The following IGSF10 variants were observed in gnomAD, a reference collection of about 807,000 sequenced individuals.
IGSF10 encodes calvaria mechanical force protein 608.
A neutral mutation model predicts 128.2 loss-of-function variants in IGSF10; 126 were observed. The ratio of observed to expected loss-of-function variants is 0.98; its 90% CI spans 0.85 to 1.14. The LOEUF is 1.14. Ranked by LOEUF, IGSF10 falls within the 50% of genes most tolerant of loss-of-function variation. IGSF10 has a pLI of 0.00. For synonymous variants in IGSF10, 1,185 were observed against 1,146.2 expected, an observed-to-expected ratio of 1.03 and a Z score of -0.68; for missense variants, 3,295 against 3,149.8, an observed-to-expected ratio of 1.05 and a Z score of -1.10.
At chr3:151,538,885 T>C in the IGSF10 span, among the ~76,000 whole-genome samples, 1 of 152,312 alleles carries the variant, frequency 6.6e-6, no homozygotes, top group South Asian at 2.1e-4. Context: ...GAAAAGGTTT[T>C]AGAACAAAAC....
chr3:151,512,856 A>G, the IGSF10 span, among the ~76,000 whole-genome samples: 5 of 152,220 alleles, frequency 3.3e-5, no homozygotes, highest in Non-Finnish European at 7.3e-5. Context: ...ATAAACTACA[A>G]AATCTAGAAG....
At chr3:151,470,460 TC>T in the IGSF10 span, among the ~76,000 whole-genome samples, 316 of 152,306 alleles carry the variant, frequency 2.1e-3, 2 homozygotes, top group African/African-American at 7.4e-3. Flanking sequence ...TCCAATTTTT[TC>T]CTTAATAGCT....
chr3:151,581,895 A>G, the IGSF10 span, among the ~76,000 whole-genome samples: 1 of 152,032 alleles, frequency 6.6e-6, no homozygotes, highest in Admixed American at 6.6e-5. Context: ...ATATGGTGAA[A>G]GTCTGTCTCC....
At chr3:151,589,724 C>T in the IGSF10 span, among the ~76,000 whole-genome samples, 1 of 152,270 alleles carries the variant, frequency 6.6e-6, no homozygotes, top group African/African-American at 2.4e-5. Flanking sequence ...CTGCCTAAGC[C>T]ATTGCCAAAA....
In IGSF10 at chr3:151,446,143, G is replaced by T. The variant is rs372965885; in HGVS notation, c.3838C>A (p.Pro1280Thr). The T allele has an allele frequency of 1.2e-6, 2 of 1,614,198 alleles. No homozygotes were observed. Among genetic ancestry groups the T allele is most frequent in the Non-Finnish European group, 1.7e-6 (2 of 1,180,032 alleles). Reference sequence around the variant, plus strand: ...TCCTTCTTTGTTGGAAGACTTCCAGGATTGTGTGTTTTGGTCGTAGTGTGG... The same window carrying T: ...TCCTTCTTTGTTGGAAGACTTCCAGTATTGTGTGTTTTGGTCGTAGTGTGG... ...AHHTTTKTHNPGSLPTKKELP... is the reference protein window; with the variant it reads ...AHHTTTKTHNTGSLPTKKELP... The change falls in exon 6 of 8, where the codon CCT becomes ACT. Residue 1280 changes from proline to threonine, a missense_variant. Transcript: ENST00000282466.
At chr3:151,512,468 T>C in the IGSF10 span, among the ~76,000 whole-genome samples, 1 of 151,544 alleles carries the variant, frequency 6.6e-6, no homozygotes, top group Admixed American at 6.6e-5. Context: ...AAGCAGTGTG[T>C]ATCGGGAAGT....
chr3:151,491,389 C>T, the IGSF10 span, among the ~76,000 whole-genome samples: 1 of 151,926 alleles, frequency 6.6e-6, no homozygotes, highest in African/African-American at 2.4e-5. Flanking sequence ...CCAACCTGGC[C>T]AACATGATGA....
chr3:151,486,203 A>C, the IGSF10 span, among the ~76,000 whole-genome samples: 1 of 152,216 alleles, frequency 6.6e-6, no homozygotes, highest in East Asian at 1.9e-4. Context: ...TATAACAACA[A>C]AAACCAAAAG....
chr3:151,496,899 T>C, the IGSF10 span, among the ~76,000 whole-genome samples: 1 of 152,146 alleles, frequency 6.6e-6, no homozygotes, highest in African/African-American at 2.4e-5. Context: ...TATCTCATTG[T>C]GGTTTTGATT....
At chr3:151,577,183 T>C in the IGSF10 span, among the ~76,000 whole-genome samples, 1 of 152,344 alleles carries the variant, frequency 6.6e-6, no homozygotes, top group East Asian at 1.9e-4. Context: ...GGCATTTCTT[T>C]TGGTATTTAG....
At chr3:151,458,166 T>G (rs1255460779) in intron 3 of IGSF10, among the ~76,000 whole-genome samples, 1 of 152,040 alleles carries the variant, frequency 6.6e-6, no homozygotes, top group Admixed American at 6.6e-5. Context: ...AGGCAGACAC[T>G]TCCAGTTACC....
At chr3:151,489,094 C>T in the IGSF10 span, among the ~76,000 whole-genome samples, 4 of 152,108 alleles carry the variant, frequency 2.6e-5, no homozygotes, top group African/African-American at 9.7e-5. Flanking sequence ...GGGCTAATAT[C>T]CAGAATCTAC....
At position 151,438,226 on chromosome 3, in the gene IGSF10, G is replaced by C. The variant is rs377142937; in HGVS notation, c.6335C>G (p.Ala2112Gly). ...GTLYFNKVGV[A>G]EEGDYTCYAQ... is the part of the protein sequence containing the mutation. ...ATAGCAAGTATAATCTCCTTCCTCC[G>C]CTACCCCAACTTTGTTGAAGTATAA... Residue 2112 changes from alanine to glycine, a missense_variant, in exon 8 of 8, where the codon GCG becomes GGG. Transcript: ENST00000282466. 1 of 1,614,020 alleles carries C rather than the reference G, an allele frequency of 6.2e-7. No individual in the cohort carries two copies. Among genetic ancestry groups the C allele is most frequent in the Non-Finnish European group, 8.5e-7 (1 of 1,180,000 alleles).
chr3:151,575,651 A>T, the IGSF10 span, among the ~76,000 whole-genome samples: 1 of 152,170 alleles, frequency 6.6e-6, no homozygotes, highest in East Asian at 1.9e-4. Flanking sequence ...TTGGCTAGGA[A>T]AGGGAATTCC....
At chr3:151,556,885 G>T in the IGSF10 span, among the ~76,000 whole-genome samples, 1 of 152,080 alleles carries the variant, frequency 6.6e-6, no homozygotes, top group Non-Finnish European at 1.5e-5. Context: ...ATGCCAGTTT[G>T]GATAACCATT....
chr3:151,476,341 A>C, the IGSF10 span, among the ~76,000 whole-genome samples: 3 of 152,062 alleles, frequency 2.0e-5, no homozygotes, highest in Non-Finnish European at 4.4e-5. Flanking sequence ...ATAGGTGTGG[A>C]GAAACATGCT....
the IGSF10 span, among the ~76,000 whole-genome samples, chr3:151,568,242 A>G: frequency 6.6e-6 from 1 of 152,160 alleles, no homozygotes; most frequent in South Asian, 2.1e-4. Context: ...TTCTAAGCAT[A>G]TGTTTGGTAA....
rs149725837 is a variant in IGSF10 at position 151,454,260 on chromosome 3, C to T, written c.325-486G>A. Among the ~76,000 whole-genome samples the T allele has an allele frequency of 1.7e-3, 251 of 152,116 alleles. 4 individuals carry two copies. The East Asian group carries it at 0.02, about 12-fold the overall frequency. On this transcript the variant is annotated intron_variant, in intron 4 of 7. Transcript: ENST00000282466. ...CTCAAACTCCTGACCTCAGGTGATC[C>T]GCCCACCTCAGCCTCCCAAAGTGCT...
At chr3:151,510,024 G>T in the IGSF10 span, among the ~76,000 whole-genome samples, 1 of 152,224 alleles carries the variant, frequency 6.6e-6, no homozygotes, top group South Asian at 2.1e-4. Flanking sequence ...AGGCCTGCCT[G>T]CCTCTGTAGG....
Sources: gnomAD v4.1 joint callset for allele counts (sites outside exome capture counted in the v4.1 genomes callset) on GRCh38, gnomAD v4.1.1 for gene constraint, MANE v1.5 for transcripts, NCBI Gene and HGNC (gene_info 2026-07-23, HGNC 2026-07-21) for gene names.